The following UGT2B11 variants were observed in gnomAD, a reference collection of about 807,000 sequenced individuals.
UGT2B11 encodes UDP glucuronosyltransferase family 2 member B11, also known as UDP-glucuronosyltransferase 2B11.
Under a neutral mutation model 51.7 loss-of-function variants are expected in UGT2B11, and 49 were observed. That is an observed-to-expected ratio of 0.95 (90% CI 0.75 to 1.20). The LOEUF (loss-of-function observed/expected upper bound fraction) is 1.20, where lower values mean the gene tolerates loss of function less well. Ranked by LOEUF, UGT2B11 falls within the 50% of genes most tolerant of loss-of-function variation. The pLI is 0.00. For synonymous variants in UGT2B11, 273 were observed against 209.0 expected (o/e 1.31, Z -2.64); for missense variants, 810 against 622.1 (o/e 1.30, Z -3.21).
At chr4:69,205,299 AATGTGATT>A in intron 4 of UGT2B11, among the ~76,000 whole-genome samples, 173 bp downstream of exon 4, 1 of 151,788 alleles carries the variant, frequency 6.6e-6, no homozygotes, top group Non-Finnish European at 1.5e-5. Flanking sequence ...GACCATAAAG[AATGTGATT>A]ATATATCATA....
chr4:69,219,552 T>A (rs1212421511), upstream of UGT2B11, among the ~76,000 whole-genome samples: 1 of 152,112 alleles, frequency 6.6e-6, no homozygotes, highest in African/African-American at 2.4e-5. Context: ...ACTGGGTAAT[T>A]TAAAAGGAAA....
chr4:69,217,989 T>C (rs1445203092), upstream of UGT2B11, among the ~76,000 whole-genome samples: 1 of 152,138 alleles, frequency 6.6e-6, no homozygotes, highest in Non-Finnish European at 1.5e-5. Context: ...CTTCGTGACC[T>C]AAACACCTCC....
At position 69,205,527 on chromosome 4, in the gene UGT2B11, C is replaced by T. The variant is rs199897601; in HGVS notation, c.1043G>A (p.Gly348Asp). 8.7e-6 allele frequency: 14 copies of T among 1,610,426 alleles called. No homozygotes were observed. The highest frequency in any genetic ancestry group is 2.7e-5 in the African/African-American group (2 of 74,638). ...CCACTTGTACAGCCGAGTATTGAGACCTAAGGCATCTGGTTTATTCCCGTC... is the reference window on the plus strand; with the variant it reads ...CCACTTGTACAGCCGAGTATTGAGATCTAAGGCATCTGGTTTATTCCCGTC... ...RFDGNKPDAL[G>D]LNTRLYKWIP... Residue 348 changes from glycine to aspartate, a missense_variant, in exon 4 of 6, where the codon GGT (glycine) becomes GAT (aspartate). Gly to Asp is a moderately conservative substitution (Grantham distance 94). Coordinates refer to ENST00000446444, the MANE Select transcript of UGT2B11 (RefSeq NM_001073.3).
At chr4:69,204,348 A>C in intron 5 of UGT2B11, 82 bp downstream of exon 5, 1 of 1,559,032 alleles carries the variant, frequency 6.4e-7, no homozygotes, top group Non-Finnish European at 8.7e-7. Flanking sequence ...ACTCTCTTAT[A>C]AAAAGGATGA....
chr4:69,220,377 G>A, the UGT2B11 span, among the ~76,000 whole-genome samples: 2 of 152,052 alleles, frequency 1.3e-5, no homozygotes, highest in Admixed American at 6.6e-5. Flanking sequence ...GTATCATACT[G>A]TGGTCTGGAG....
At chr4:69,211,266 T>C (rs1722051866) in intron 2 of UGT2B11, 1 of 151,574 alleles carries the variant, frequency 6.6e-6, no homozygotes, top group Non-Finnish European at 1.5e-5. Flanking sequence ...TACACATTTA[T>C]ATTGTTGAGG....
At position 69,214,280 on chromosome 4, in the gene UGT2B11, A is replaced by G; in HGVS notation, c.443T>C (p.Val148Ala). ...ACAGGGAAAAACAGCATCTGCAAAA[A>G]CGATGTCAAATCTTGACTCTTGTAG... ...KKLQESRFDIVFADAVFPCGE... is the reference protein window; with the variant it reads ...KKLQESRFDIAFADAVFPCGE... The change falls in exon 1 of 6, where the codon GTT (valine) becomes GCT (alanine). Residue 148 changes from valine (V) to alanine (A), a missense_variant. By Grantham distance (64) the Val-to-Ala change is moderately conservative. Transcript: ENST00000446444. The G allele has an allele frequency of 6.2e-7, 1 of 1,613,306 alleles. No homozygotes were observed. The highest frequency in any genetic ancestry group is 8.5e-7 in the Non-Finnish European group (1 of 1,179,506).
chr4:69,217,094 C>A (rs951823015), upstream of UGT2B11, among the ~76,000 whole-genome samples: 5 of 152,108 alleles, frequency 3.3e-5, no homozygotes, highest in Admixed American at 6.6e-5. Context: ...GCTTCATTTG[C>A]AAATATTTTG....
chr4:69,202,475 A>G (rs1242077500), intron 5 of UGT2B11, among the ~76,000 whole-genome samples: 2 of 151,744 alleles, frequency 1.3e-5, no homozygotes, highest in South Asian at 2.1e-4. Context: ...TGAATCTTTT[A>G]TATTTCGTAA....
chr4:69,220,441 C>T, the UGT2B11 span, among the ~76,000 whole-genome samples: 3 of 152,012 alleles, frequency 2.0e-5, no homozygotes, highest in East Asian at 5.8e-4. Flanking sequence ...TGGTGACTCT[C>T]TGTGTGGGTG....
chr4:69,200,960 C>A (rs1205491609), intron 5 of UGT2B11, among the ~76,000 whole-genome samples: 1 of 151,134 alleles, frequency 6.6e-6, no homozygotes, highest in African/African-American at 2.4e-5. Context: ...TAATTTTTTT[C>A]AAGCAGAGAA....
intron 3 of UGT2B11, among the ~76,000 whole-genome samples, chr4:69,205,889 A>G: frequency 6.6e-6 from 1 of 151,686 alleles, no homozygotes; most frequent in Non-Finnish European, 1.5e-5. Context: ...AACATCACAG[A>G]TCATTAGAGA....
At chr4:69,212,529 A>T (rs557240258) in intron 2 of UGT2B11, 44 bp downstream of exon 2, 2 of 1,588,144 alleles carry the variant, frequency 1.3e-6, no homozygotes, top group Admixed American at 3.7e-5. Flanking sequence ...ATTTCTACTG[A>T]AACTTCGAAG....
chr4:69,218,930 A>G (rs898171688), upstream of UGT2B11, among the ~76,000 whole-genome samples: 5 of 152,106 alleles, frequency 3.3e-5, no homozygotes, highest in Non-Finnish European at 4.4e-5. Flanking sequence ...ATGGAGCCCC[A>G]TCTAGCCAGA....
intron 5 of UGT2B11, among the ~76,000 whole-genome samples, chr4:69,202,527 T>A (rs1319542600): frequency 6.6e-6 from 1 of 151,694 alleles, no homozygotes; most frequent in Non-Finnish European, 1.5e-5. Flanking sequence ...CAAGGAAAGA[T>A]TAAATATTTG....
Position 69,200,612 on chromosome 4 carries a change from G to T in UGT2B11, c.1418C>A (p.Ala473Asp). The change falls in exon 6 of 6, where the codon GCC becomes GAC. Residue 473 changes from alanine to aspartate, a missense_variant. By Grantham distance (126) the Ala-to-Asp change is moderately radical. Transcript: ENST00000446444. ...ATGGGCTGCAACTCGAAGGTGTTTG[G>T]CTCCTTTGTGGGGCATGACAAATTC... ...WIEFVMPHKGAKHLRVAAHDL... is the reference protein window; with the variant it reads ...WIEFVMPHKGDKHLRVAAHDL... The T allele has an allele frequency of 6.2e-7, 1 of 1,612,442 alleles. No individual in the cohort carries two copies. The highest frequency in any genetic ancestry group is 8.5e-7 in the Non-Finnish European group (1 of 1,178,972).
chr4:69,201,086 A>G (rs1194260841), intron 5 of UGT2B11: 1 of 162,612 alleles, frequency 6.1e-6, no homozygotes, highest in Non-Finnish European at 1.3e-5. Flanking sequence ...TGAAATAATC[A>G]CATCATGAAA....
In UGT2B11 at chr4:69,200,733, A is replaced by G; in HGVS notation, c.1311-14T>C. The G allele has an allele frequency of 6.2e-7, 1 of 1,601,858 alleles. No individual in the cohort carries two copies. The highest frequency in any genetic ancestry group is 8.5e-7 in the Non-Finnish European group (1 of 1,174,228). ...TTCTCTTTATATCTGAAGGATAAAAATAAGGATACCAACACTGAAAGTAAG... is the reference window on the plus strand; with the variant it reads ...TTCTCTTTATATCTGAAGGATAAAAGTAAGGATACCAACACTGAAAGTAAG... On this transcript the variant is annotated splice_polypyrimidine_tract_variant and intron_variant, in intron 5 of 5. Coordinates refer to ENST00000446444, the MANE Select transcript of UGT2B11 (RefSeq NM_001073.3).
chr4:69,215,440 C>T (rs561184105), upstream of UGT2B11: 10 of 151,980 alleles, frequency 6.6e-5, no homozygotes, highest in South Asian at 2.1e-4. Context: ...AAGGACCATC[C>T]GTAGAATAGT....
Sources: gnomAD v4.1 joint callset for allele counts (sites outside exome capture counted in the v4.1 genomes callset) on GRCh38, gnomAD v4.1.1 for gene constraint, MANE v1.5 for transcripts, NCBI Gene and HGNC (gene_info 2026-07-23, HGNC 2026-07-21) for gene names.